TTLL6: variants seen among roughly 807,000 people sequenced by gnomAD.
TTLL6 encodes the protein tubulin polyglutamylase TTLL6.
Under a neutral mutation model 96.4 loss-of-function variants are expected in TTLL6, and 75 were observed. The ratio of observed to expected loss-of-function variants is 0.78; its 90% CI spans 0.65 to 0.94. The LOEUF (loss-of-function observed/expected upper bound fraction) is 0.94. Among genes scored for constraint, TTLL6 ranks in the 40% least tolerant of loss-of-function variants. The pLI is 0.00. For missense variants in TTLL6, 1,030 were observed against 1,093.0 expected, an observed-to-expected ratio of 0.94 and a Z score of 0.81; for synonymous variants, 411 against 419.4, an observed-to-expected ratio of 0.98 and a Z score of 0.24.
intron 8 of TTLL6, among the ~76,000 whole-genome samples, chr17:48,792,516 C>T (rs1251505277): frequency 3.9e-5 from 6 of 152,132 alleles, no homozygotes; most frequent in African/African-American, 1.2e-4. Context: ...GTTTCAAAAG[C>T]TCACTAGATC....
intron 1 of TTLL6, among the ~76,000 whole-genome samples, chr17:48,811,190 T>G (rs959056757): frequency 6.7e-6 from 1 of 149,590 alleles, no homozygotes; most frequent in Non-Finnish European, 1.5e-5. Flanking sequence ...TGCCTCAGCC[T>G]CCCGAGTAGC....
chr17:48,804,802 T>A lies in TTLL6; in HGVS notation c.293A>T (p.Gln98Leu). The change falls in exon 2 of 16, where the codon CAG becomes CTG. Residue 98 changes from glutamine to leucine, a missense_variant. Gln to Leu is a moderately radical substitution (Grantham distance 113). Coordinates refer to ENST00000393382, the MANE Select transcript of TTLL6 (RefSeq NM_001130918.3). ...TTTCTTCCTCTTCTTCTTGCCTTGCTGCTGGGCATTCTGAAGTCCGTTTTG... is the reference window on the plus strand; with the variant it reads ...TTTCTTCCTCTTCTTCTTGCCTTGCAGCTGGGCATTCTGAAGTCCGTTTTG... Reference protein sequence around the residue: ...GAQNGLQNAQQQGKKKRKKKR... With the variant: ...GAQNGLQNAQLQGKKKRKKKR... 6.4e-7 allele frequency: 1 copy of A among 1,552,376 alleles called. No individual in the cohort carries two copies. The highest frequency in any genetic ancestry group is 1.2e-5 in the South Asian group (1 of 84,060).
intron 10 of TTLL6, 48 bp downstream of exon 10, chr17:48,789,883 A>C (rs2039183442): frequency 2.5e-6 from 4 of 1,592,980 alleles, no homozygotes; most frequent in Non-Finnish European, 3.4e-6. Context: ...TATTGGGAGC[A>C]GGGGAGTCAG....
At chr17:48,763,308 C>A (rs929832107) in intron 15 of TTLL6, among the ~76,000 whole-genome samples, 1 of 152,122 alleles carries the variant, frequency 6.6e-6, no homozygotes, top group Non-Finnish European at 1.5e-5. Flanking sequence ...AACAATGCCC[C>A]GAGGACTGAG....
intron 13 of TTLL6, among the ~76,000 whole-genome samples, chr17:48,782,415 A>T (rs1304115847): frequency 6.6e-6 from 1 of 152,152 alleles, no homozygotes; most frequent in Non-Finnish European, 1.5e-5. Context: ...TTGGCCTCCC[A>T]AAGTGCTGGG....
chr17:48,768,860 A>C (rs1352742058), intron 15 of TTLL6, 129 bp downstream of exon 15: 6 of 1,042,632 alleles, frequency 5.8e-6, no homozygotes, highest in Non-Finnish European at 7.0e-6. Context: ...ATTTTTACTA[A>C]GTCTTCATTG....
At chr17:48,797,300 A>G in intron 6 of TTLL6, 96 bp from the exon 7 acceptor site, 1 of 1,343,792 alleles carries the variant, frequency 7.4e-7, no homozygotes, top group African/African-American at 1.5e-5. Context: ...GTTGGCTCCA[A>G]CATTGCCTAG....
At position 48,769,992 on chromosome 17, in the gene TTLL6, G is replaced by A; in HGVS notation, c.2146C>T (p.Pro716Ser). 6.2e-7 allele frequency: 1 copy of A among 1,614,068 alleles called. No homozygotes were observed. Reference protein sequence around the residue: ...AVTASSEYSGPETDRVVSFKC... With the variant: ...AVTASSEYSGSETDRVVSFKC... ...AAGGATACCACCCTGTCCGTCTCTG[G>A]GCCACTGTACTCAGAGCTGGCGGTC... The change falls in exon 14 of 16, where the codon CCA (proline) becomes TCA (serine). Residue 716 changes from proline to serine, a missense_variant. By Grantham distance (74) the Pro-to-Ser change is moderately conservative. Transcript: ENST00000393382.
intron 1 of TTLL6, among the ~76,000 whole-genome samples, chr17:48,810,765 CAT>C (rs973788818): frequency 2.8e-5 from 2 of 70,428 alleles, no homozygotes; most frequent in African/African-American, 1.2e-4. Flanking sequence ...CATATATACA[CAT>C]ATATAGTATG....
chr17:48,799,778 G>C lies in TTLL6; in HGVS notation c.612-18C>G. 1.3e-6 allele frequency: 2 copies of C among 1,549,244 alleles called. No homozygotes were observed. Among genetic ancestry groups the C allele is most frequent in the Non-Finnish European group, 1.7e-6 (2 of 1,145,322 alleles). ...CTCCCCAGCTACCAGAGCAGGGAGG[G>C]AACAAGATACATCTTTAGCTGGGGA... On this transcript the variant is annotated intron_variant, in intron 5 of 15. Coordinates refer to ENST00000393382, the MANE Select transcript of TTLL6 (RefSeq NM_001130918.3).
At chr17:48,778,024 C>A (rs1250462386) in intron 13 of TTLL6, among the ~76,000 whole-genome samples, 1 of 152,152 alleles carries the variant, frequency 6.6e-6, no homozygotes, top group Non-Finnish European at 1.5e-5. Flanking sequence ...CGCCTGTAAT[C>A]CCAACACTTT....
chr17:48,800,772 C>T (rs889626168), intron 5 of TTLL6, among the ~76,000 whole-genome samples: 3 of 152,148 alleles, frequency 2.0e-5, no homozygotes, highest in Non-Finnish European at 4.4e-5. Context: ...GTACTTTACA[C>T]ACCAGGAACT....
At chr17:48,791,640 G>C (rs768000481) in intron 8 of TTLL6, 37 bp from the exon 9 acceptor site, 20 of 1,556,592 alleles carry the variant, frequency 1.3e-5, no homozygotes, top group Non-Finnish European at 1.7e-5. Context: ...CAGTGTAGCT[G>C]GCTTCTGGTC....
At chr17:48,816,819 C>T (rs2039674072) in intron 1 of TTLL6, 151 bp downstream of exon 1, 1 of 538,836 alleles carries the variant, frequency 1.9e-6, no homozygotes, top group South Asian at 2.6e-5. Context: ...GAGTGCCTGG[C>T]GCCATGGAAC....
rs536274356 is a variant in TTLL6 at position 48,808,402 on chromosome 17, G to A, written c.104-3411C>T. ...TGTGTGTGTGTGTGTGTGTGTGCAC[G>A]TGCATAGATATATGTTGCTTCCCAG... is the stretch of plus-strand genomic sequence containing the variant. On this transcript the variant is annotated intron_variant, in intron 1 of 15. Coordinates refer to ENST00000393382, the MANE Select transcript of TTLL6 (RefSeq NM_001130918.3). Among the ~76,000 whole-genome samples, 24 of 151,914 alleles carry A rather than the reference G, an allele frequency of 1.6e-4. No homozygotes were observed. In the South Asian group the frequency reaches 5.0e-3, roughly 32 times the overall value.
intron 12 of TTLL6, 127 bp from the exon 13 acceptor site, chr17:48,785,328 C>G: frequency 1.5e-6 from 2 of 1,377,646 alleles, no homozygotes; most frequent in Non-Finnish European, 9.8e-7. Context: ...AGTAAAGTCT[C>G]TCTAATGTGG....
Position 48,762,361 on chromosome 17 carries a change from G to A in TTLL6, c.*613C>T, listed in dbSNP as rs1374421830. 1.3e-5 allele frequency: 2 copies of A among 152,280 alleles called. No individual in the cohort carries two copies. The highest frequency in any genetic ancestry group is 6.5e-5 in the Admixed American group (1 of 15,284). 9.4% of individuals were successfully genotyped at this position (152,280 alleles called of 1,614,324 possible). ...GCCTCACCTCTGTTTTCACTGGTGA[G>A]ATTAAGTTGGGCTGGTGAGGGAGGT... On this transcript the variant is annotated 3_prime_UTR_variant, in exon 16 of 16. Coordinates refer to ENST00000393382, the MANE Select transcript of TTLL6 (RefSeq NM_001130918.3).
At chr17:48,767,976 G>T (rs996536698) in intron 15 of TTLL6, among the ~76,000 whole-genome samples, 11 of 152,174 alleles carry the variant, frequency 7.2e-5, no homozygotes, top group African/African-American at 2.2e-4. Flanking sequence ...GGTTGACATG[G>T]TTCTACTTCT....
chr17:48,806,966 G>T (rs1311001006), intron 1 of TTLL6, among the ~76,000 whole-genome samples: 5 of 151,736 alleles, frequency 3.3e-5, no homozygotes, highest in African/African-American at 1.2e-4. Flanking sequence ...GGAGGCAGAG[G>T]TTGTAGTGAG....
Sources: gnomAD v4.1 joint callset for allele counts (sites outside exome capture counted in the v4.1 genomes callset) on GRCh38, gnomAD v4.1.1 for gene constraint, MANE v1.5 for transcripts, NCBI Gene and HGNC (gene_info 2026-07-23, HGNC 2026-07-21) for gene names.